GBP7: variants seen among roughly 807,000 people sequenced by gnomAD.
GBP7 encodes guanylate-binding protein 7.
A neutral mutation model predicts 61.3 loss-of-function variants in GBP7; 43 were observed. The ratio of observed to expected loss-of-function variants is 0.70; its 90% CI spans 0.55 to 0.91. GBP7 has a LOEUF of 0.91. Ranked by LOEUF, GBP7 falls within the 40% of genes least tolerant of loss-of-function variation. The pLI is 0.00. For missense variants in GBP7, 717 were observed against 740.5 expected, an observed-to-expected ratio of 0.97 and a Z score of 0.37; for synonymous variants, 267 against 271.0, an observed-to-expected ratio of 0.99 and a Z score of 0.14.
At chr1:89,147,372 C>G (rs1181890527) in intron 8 of GBP7, among the ~76,000 whole-genome samples, 195 bp downstream of exon 8, 2 of 152,048 alleles carry the variant, frequency 1.3e-5, no homozygotes, top group Non-Finnish European at 2.9e-5. Flanking sequence ...TCTAAATCCT[C>G]TTTGGGAAAA....
At chr1:89,147,447 G>A in intron 8 of GBP7, 120 bp downstream of exon 8, 1 of 724,038 alleles carries the variant, frequency 1.4e-6, no homozygotes, top group Non-Finnish European at 2.4e-6. Context: ...AAATATCAAG[G>A]TATTGCCATG....
In GBP7 at chr1:89,145,650, A is replaced by G. The variant is rs191806562; in HGVS notation, c.1365+1917T>C. Among the ~76,000 whole-genome samples the G allele has an allele frequency of 3.9e-5, 6 of 152,230 alleles. No individual in the cohort carries two copies. The South Asian group carries it at 8.3e-4, about 21-fold the overall frequency. ...CAAAGTTGGAGGATACAAAATTAGCATACAAATTCAGCTACATTTCTATGC... is the reference window on the plus strand; with the variant it reads ...CAAAGTTGGAGGATACAAAATTAGCGTACAAATTCAGCTACATTTCTATGC... On this transcript the variant is annotated intron_variant, in intron 8 of 10. Coordinates refer to ENST00000294671, the MANE Select transcript of GBP7 (RefSeq NM_207398.3).
intron 2 of GBP7, among the ~76,000 whole-genome samples, chr1:89,168,421 AC>A (rs1234257552): frequency 3.3e-5 from 5 of 152,160 alleles, no homozygotes; most frequent in African/African-American, 1.2e-4. Flanking sequence ...ACTGAAAATA[AC>A]CTTTTAAAAA....
At position 89,132,085 on chromosome 1, in the gene GBP7, A is replaced by G. The variant is rs1336843012; in HGVS notation, c.*64T>C. On this transcript the variant is annotated 3_prime_UTR_variant, in exon 11 of 11. Coordinates refer to ENST00000294671, the MANE Select transcript of GBP7 (RefSeq NM_207398.3). ...TAATTTTAAACTTTTCTTAAATGAA[A>G]CTGCAATAACACATATACTTTTAAA... 4 of 1,309,810 alleles carry G rather than the reference A, an allele frequency of 3.1e-6. No homozygotes were observed. The highest frequency in any genetic ancestry group is 1.5e-5 in the African/African-American group (1 of 67,346). 81.1% of individuals were successfully genotyped at this position (1,309,810 alleles called of 1,614,324 possible).
rs572692394 is a variant in GBP7, at chr1:89,154,848, G to A, written c.319-2071C>T. On this transcript the variant is annotated intron_variant, in intron 3 of 10. Transcript: ENST00000294671. ...TTCCTGTCTGACAGCTTTGAGGAGA[G>A]TAGTGGTTCTCCCAGCACAGAGTTT... is the stretch of plus-strand genomic sequence containing the variant. Among the ~76,000 whole-genome samples the A allele has an allele frequency of 2.0e-5, 3 of 152,226 alleles. No individual in the cohort carries two copies. The East Asian group carries it at 5.8e-4, about 29-fold the overall frequency.
chr1:89,168,981 A>AC (rs137929436), intron 2 of GBP7, among the ~76,000 whole-genome samples: 1,549 of 149,958 alleles, frequency 0.01, 27 homozygotes, highest in African/African-American at 0.033. Context: ...AGTTAAAAAA[A>AC]AAACAAAAAA....
intron 3 of GBP7, among the ~76,000 whole-genome samples, chr1:89,160,148 G>T (rs1297990830): frequency 6.6e-6 from 1 of 152,156 alleles, no homozygotes; most frequent in Non-Finnish European, 1.5e-5. Flanking sequence ...ACTCATAGGT[G>T]GGAATTGAAC....
chr1:89,146,414 T>C (rs527810056), intron 8 of GBP7, among the ~76,000 whole-genome samples: 4 of 152,038 alleles, frequency 2.6e-5, no homozygotes, highest in Non-Finnish European at 5.9e-5. Context: ...AAACAAGTGC[T>C]AAAAGAAACT....
intron 9 of GBP7, among the ~76,000 whole-genome samples, chr1:89,137,369 A>G (rs978297344): frequency 2.0e-5 from 3 of 152,114 alleles, no homozygotes; most frequent in Non-Finnish European, 2.9e-5. Context: ...AAAATGCAGG[A>G]CAATATTCCT....
intron 8 of GBP7, among the ~76,000 whole-genome samples, chr1:89,142,218 T>TAC (rs10700672): frequency 0.74 from 112,280 of 151,884 alleles, 41,806 homozygotes; most frequent in African/African-American, 0.82. Flanking sequence ...TTAGTCTATT[T>TAC]AGGAGTAGTG....
intron 9 of GBP7, among the ~76,000 whole-genome samples, chr1:89,137,691 A>G (rs1056156065): frequency 6.6e-6 from 1 of 152,172 alleles, no homozygotes; most frequent in Non-Finnish European, 1.5e-5. Context: ...CACAGCCAAC[A>G]TCATACTGAA....
At chr1:89,149,225 A>C in intron 7 of GBP7, 67 bp downstream of exon 7, 1 of 1,366,832 alleles carries the variant, frequency 7.3e-7, no homozygotes, top group East Asian at 2.4e-5. Flanking sequence ...ATGGCATTAA[A>C]AAGGTGGACT....
chr1:89,152,755 C>T lies in GBP7; in HGVS notation c.341G>A (p.Trp114Ter). The T allele has an allele frequency of 6.2e-7, 1 of 1,610,312 alleles. No individual in the cohort carries two copies. The highest frequency in any genetic ancestry group is 8.5e-7 in the Non-Finnish European group (1 of 1,178,536). The change falls in exon 4 of 11, where the codon TGG becomes TAG. Residue 114 changes from tryptophan to a stop codon, truncating the protein, a stop_gained. Transcript: ENST00000294671. LOFTEE classifies it high-confidence loss of function. ...TAGAAGCACAGCCAGGGCAAAGATC[C>T]ACGAGTCACTCTTAGGGTCACTCTA... Reference protein sequence around the residue: ...MEKSDPKSDSWIFALAVLLSS... With the variant: ...MEKSDPKSDS
At chr1:89,159,860 G>C (rs1682396753) in intron 3 of GBP7, among the ~76,000 whole-genome samples, 1 of 152,064 alleles carries the variant, frequency 6.6e-6, no homozygotes, top group South Asian at 2.1e-4. Flanking sequence ...CCTATTACTG[G>C]GTATACACCC....
In GBP7 at chr1:89,144,815, T is replaced by A. The variant is rs1038193794; in HGVS notation, c.1365+2752A>T. Among the ~76,000 whole-genome samples the A allele has an allele frequency of 7.9e-5, 12 of 152,176 alleles. No individual in the cohort carries two copies. In the East Asian group the frequency reaches 2.1e-3, roughly 27 times the overall value. On this transcript the variant is annotated intron_variant, in intron 8 of 10. Coordinates refer to ENST00000294671, the MANE Select transcript of GBP7 (RefSeq NM_207398.3). ...TACATTGTTTTAACTATAGTCACCA[T>A]GCTATACACTAGGCATCCAGAACTT...
intron 7 of GBP7, 149 bp downstream of exon 7, chr1:89,149,140 TAAA>T (rs1682133512): frequency 5.3e-6 from 3 of 566,596 alleles, no homozygotes; most frequent in East Asian, 6.2e-5. Context: ...TTTAGAAAAA[TAAA>T]AAACTGTAGC....
chr1:89,162,240 G>A (rs949849719), intron 3 of GBP7, among the ~76,000 whole-genome samples: 2 of 151,956 alleles, frequency 1.3e-5, no homozygotes, highest in Non-Finnish European at 2.9e-5. Context: ...AATTGCGTTG[G>A]CTATTTTTTG....
chr1:89,142,231 G>T (rs1240881115), intron 8 of GBP7, among the ~76,000 whole-genome samples: 1 of 152,182 alleles, frequency 6.6e-6, no homozygotes, highest in Non-Finnish European at 1.5e-5. Flanking sequence ...GAGTAGTGGT[G>T]AATATAATGG....
intron 9 of GBP7, among the ~76,000 whole-genome samples, chr1:89,139,742 A>G (rs1236906700): frequency 6.6e-6 from 1 of 152,250 alleles, no homozygotes; most frequent in Non-Finnish European, 1.5e-5. Flanking sequence ...CCACAATGAG[A>G]TACCATCTCA....
Sources: allele counts gnomAD v4.1 joint callset (sites outside exome capture counted in the v4.1 genomes callset), GRCh38; gene constraint gnomAD v4.1.1; transcripts MANE v1.5; gene names NCBI Gene and HGNC (gene_info 2026-07-23, HGNC 2026-07-21).